Variants in SPRR2B observed in about 807,000 individuals in gnomAD.
SPRR2B encodes small proline-rich protein 2B.
In SPRR2B, 1 loss-of-function variant was observed where a neutral mutation model predicts 1.0. The ratio of observed to expected loss-of-function variants is 1.01; its 90% CI spans 0.36 to 4.77. The LOEUF is 4.77. SPRR2B is among the 30% of genes most tolerant of loss of function. SPRR2B has a pLI of 0.16. For missense variants in SPRR2B, 53 were observed against 88.7 expected, an observed-to-expected ratio of 0.60 and a Z score of 1.62; for synonymous variants, 27 against 33.4, an observed-to-expected ratio of 0.81 and a Z score of 0.66.
the SPRR2B span, among the ~76,000 whole-genome samples, chr1:153,085,684 C>T: frequency 6.6e-6 from 1 of 152,082 alleles, no homozygotes. Flanking sequence ...TGCAGAGAAC[C>T]CAAGTAAGAT....
chr1:153,082,884 C>G, the SPRR2B span, among the ~76,000 whole-genome samples: 1 of 152,006 alleles, frequency 6.6e-6, no homozygotes, highest in African/African-American at 2.4e-5. Context: ...GACAAGCAAA[C>G]AGTAGAGAAA....
chr1:153,083,953 G>A, the SPRR2B span, among the ~76,000 whole-genome samples: 1 of 152,200 alleles, frequency 6.6e-6, no homozygotes, highest in African/African-American at 2.4e-5. Flanking sequence ...CCTGAATTCT[G>A]CAGGGCAATC....
chr1:153,083,635 T>C, the SPRR2B span, among the ~76,000 whole-genome samples: 1 of 152,126 alleles, frequency 6.6e-6, no homozygotes, highest in African/African-American at 2.4e-5. Flanking sequence ...ACAGGGACAC[T>C]ACACACCAGA....
chr1:153,085,418 C>A, the SPRR2B span, among the ~76,000 whole-genome samples: 1 of 147,928 alleles, frequency 6.8e-6, no homozygotes, highest in Admixed American at 6.7e-5. Flanking sequence ...TCTGAATAGA[C>A]CAGGCAGAGA....
the SPRR2B span, among the ~76,000 whole-genome samples, chr1:153,079,207 G>T: frequency 6.6e-6 from 1 of 151,780 alleles, no homozygotes; most frequent in Non-Finnish European, 1.5e-5. Flanking sequence ...TTTTGATGGG[G>T]TTGTTTGTTT....
At chr1:153,084,713 C>T in the SPRR2B span, among the ~76,000 whole-genome samples, 1 of 152,162 alleles carries the variant, frequency 6.6e-6, no homozygotes, top group African/African-American at 2.4e-5. Flanking sequence ...CTGCTCTTGA[C>T]ACATACAAAC....
chr1:153,079,646 G>C, the SPRR2B span, among the ~76,000 whole-genome samples: 18 of 152,132 alleles, frequency 1.2e-4, no homozygotes, highest in Admixed American at 2.0e-4. Context: ...GCTTGTTTTT[G>C]TCAGGTTTGT....
At chr1:153,073,167 T>C (rs909523422), upstream of SPRR2B, among the ~76,000 whole-genome samples, 13 of 152,202 alleles carry the variant, frequency 8.5e-5, no homozygotes, top group African/African-American at 2.9e-4. Context: ...AAGATCACCA[T>C]GGCCAGACAC....
At chr1:153,080,444 A>G in the SPRR2B span, among the ~76,000 whole-genome samples, 2 of 152,216 alleles carry the variant, frequency 1.3e-5, no homozygotes, top group East Asian at 1.9e-4. Flanking sequence ...ACAAGTTAAT[A>G]TATTTTAAAA....
chr1:153,079,778 T>G, the SPRR2B span, among the ~76,000 whole-genome samples: 233 of 152,228 alleles, frequency 1.5e-3, 4 homozygotes, highest in Middle Eastern at 0.01. Context: ...CCTTGTAGTA[T>G]AGTTTGAAGT....
chr1:153,072,317 T>C (rs1233101327), upstream of SPRR2B, among the ~76,000 whole-genome samples: 1 of 152,200 alleles, frequency 6.6e-6, no homozygotes, highest in African/African-American at 2.4e-5. Flanking sequence ...CCCAGTATGT[T>C]TGCTACTGCT....
In SPRR2B at chr1:153,070,443, A is replaced by C; in HGVS notation, c.*178T>G. ...TCCACCTGGACAGTGGCAGTATGGC[A>C]GCCTTAGAAAGGAAACCTTTTGCTA... On this transcript the variant is annotated 3_prime_UTR_variant, in exon 2 of 2. Coordinates refer to ENST00000368755, the MANE Select transcript of SPRR2B (RefSeq NM_001388198.1). The C allele has an allele frequency of 8.1e-7, 1 of 1,235,938 alleles. No individual in the cohort carries two copies. The highest frequency in any genetic ancestry group is 1.1e-6 in the Non-Finnish European group (1 of 903,474). 76.6% of individuals were successfully genotyped at this position (1,235,938 alleles called of 1,614,324 possible). A position where few individuals can be genotyped will look rare whatever the true frequency, so the allele number is the denominator to read the frequency against.
chr1:153,082,786 C>T, the SPRR2B span, among the ~76,000 whole-genome samples: 1 of 152,034 alleles, frequency 6.6e-6, no homozygotes, highest in Non-Finnish European at 1.5e-5. Context: ...TAAATAACCT[C>T]ATATTGCACT....
chr1:153,071,858 G>T (rs992610504), upstream of SPRR2B, among the ~76,000 whole-genome samples: 1 of 152,176 alleles, frequency 6.6e-6, no homozygotes, highest in Non-Finnish European at 1.5e-5. Context: ...TCTCTTTCTT[G>T]ATTGGGGGCA....
chr1:153,085,288 AC>A, the SPRR2B span, among the ~76,000 whole-genome samples: 1 of 152,176 alleles, frequency 6.6e-6, no homozygotes, highest in Non-Finnish European at 1.5e-5. Context: ...CAATAAAACA[AC>A]ACAGGAGCTG....
chr1:153,074,679 G>A (rs768735863), upstream of SPRR2B, among the ~76,000 whole-genome samples: 6 of 152,184 alleles, frequency 3.9e-5, no homozygotes, highest in Non-Finnish European at 7.3e-5. Flanking sequence ...TATATTAAAT[G>A]TGATTATATA....
At chr1:153,082,850 C>T in the SPRR2B span, among the ~76,000 whole-genome samples, 3 of 151,844 alleles carry the variant, frequency 2.0e-5, no homozygotes, top group African/African-American at 7.3e-5. Context: ...AAAACATGAG[C>T]CTAGCATAGA....
At chr1:153,075,563 G>C (rs6689510), upstream of SPRR2B, among the ~76,000 whole-genome samples, 1 of 151,602 alleles carries the variant, frequency 6.6e-6, no homozygotes, top group African/African-American at 2.4e-5. Context: ...GATAATAATA[G>C]TACCTACTAC....
At position 153,070,516 on chromosome 1, in the gene SPRR2B, C is replaced by G; in HGVS notation, c.*105G>C. 6.5e-7 allele frequency: 1 copy of G among 1,535,178 alleles called. No homozygotes were observed. The highest frequency in any genetic ancestry group is 8.8e-7 in the Non-Finnish European group (1 of 1,138,992). ...CACAGGCTAAGGGGAAAGAAGCTCC[C>G]TATGAATCCATGATAAGCTTTGATG... On this transcript the variant is annotated 3_prime_UTR_variant, in exon 2 of 2. Transcript: ENST00000368755.
Sources: gnomAD v4.1 joint callset for allele counts (sites outside exome capture counted in the v4.1 genomes callset) on GRCh38, gnomAD v4.1.1 for gene constraint, MANE v1.5 for transcripts, NCBI Gene and HGNC (gene_info 2026-07-23, HGNC 2026-07-21) for gene names.